The following PHACTR3 variants were observed in gnomAD, a reference collection of about 807,000 sequenced individuals.
PHACTR3 encodes phosphatase and actin regulator 3, also known as protein phosphatase 1, regulatory subunit 123.
Under a neutral mutation model 66.8 loss-of-function variants are expected in PHACTR3, and 16 were observed. That is an observed-to-expected ratio of 0.24 (90% CI 0.16 to 0.36). The LOEUF is 0.36. Ranked by LOEUF, PHACTR3 falls within the 10% of genes least tolerant of loss-of-function variation. The pLI, the probability that PHACTR3 is intolerant of heterozygous loss-of-function variation, is 1.00. For synonymous variants in PHACTR3, 323 were observed against 292.1 expected, an observed-to-expected ratio of 1.11 and a Z score of -1.08; for missense variants, 647 against 719.9, an observed-to-expected ratio of 0.90 and a Z score of 1.16.
chr20:59,779,531 C>CAGAA (rs1428451037), intron 7 of PHACTR3, among the ~76,000 whole-genome samples: 1 of 152,214 alleles, frequency 6.6e-6, no homozygotes, highest in Non-Finnish European at 1.5e-5. Context: ...GGGGTGAAAG[C>CAGAA]AGAAAGCACC....
At position 59,736,649 on chromosome 20, in the gene PHACTR3, C is replaced by T. The variant is rs555054989; in HGVS notation, c.119-6458C>T. Among the ~76,000 whole-genome samples the T allele has an allele frequency of 7.3e-4, 111 of 152,346 alleles. No homozygotes were observed. The highest frequency in any genetic ancestry group is 6.0e-3 in the South Asian group (29 of 4,826). Reference sequence around the variant, plus strand: ...CTGTGCACACCTGCCCACCAGCATCCGCAGGCCACACCGTGCCGTGGATGA... The same window carrying T: ...CTGTGCACACCTGCCCACCAGCATCTGCAGGCCACACCGTGCCGTGGATGA... On this transcript the variant is annotated intron_variant, in intron 1 of 12. Coordinates refer to ENST00000371015, the MANE Select transcript of PHACTR3 (RefSeq NM_080672.5). This position sits in a 1 kb window ranked among gnomAD's most constrained non-coding sequence, Gnocchi z 4.6.
At chr20:59,635,095 T>C (rs796262815) in intron 1 of PHACTR3, among the ~76,000 whole-genome samples, 23 of 131,304 alleles carry the variant, frequency 1.8e-4, no homozygotes, top group East Asian at 4.7e-4. Flanking sequence ...CTTTCTTTCT[T>C]TCTCTCTCTT....
At chr20:59,769,776 G>C (rs2040303626) in intron 5 of PHACTR3, among the ~76,000 whole-genome samples, 1 of 152,214 alleles carries the variant, frequency 6.6e-6, no homozygotes. Flanking sequence ...ATGCATGCGT[G>C]CTCTGAACCC....
intron 1 of PHACTR3, among the ~76,000 whole-genome samples, chr20:59,656,973 G>A (rs2035638433): frequency 6.6e-6 from 1 of 151,666 alleles, no homozygotes; most frequent in South Asian, 2.1e-4. Context: ...ACATCTATAT[G>A]CTACAAACTT....
chr20:59,619,464 C>T (rs1317067483), intron 1 of PHACTR3, among the ~76,000 whole-genome samples: 1 of 152,074 alleles, frequency 6.6e-6, no homozygotes, highest in Non-Finnish European at 1.5e-5. Flanking sequence ...CTGACTCTTG[C>T]TAACACCCTG....
rs2039427580 is a variant in PHACTR3, at chr20:59,747,770, A to G, written c.293A>G (p.Lys98Arg). ...GTGTGTTGGGCAGCGCTGGAGAAGA[A>G]GATGGCCGGCAGGCAAGGCCGAGAG... ...LKQTTSALEK[K>R]MAGRQGREEL... The change falls in exon 3 of 13, where the codon AAG (lysine) becomes AGG (arginine). Residue 98 changes from lysine to arginine, a missense_variant. Physicochemically the swap from Lys to Arg is conservative, Grantham distance 26. Around this residue, in one of 2 missense-constraint regions of PHACTR3, gnomAD observed 577 missense variants for 571.1 expected, o/e 1.01. Transcript: ENST00000371015. 1 of 1,613,916 alleles carries G rather than the reference A, an allele frequency of 6.2e-7. No individual in the cohort carries two copies. The highest frequency in any genetic ancestry group is 8.5e-7 in the Non-Finnish European group (1 of 1,179,972).
In PHACTR3 at chr20:59,754,850, G is replaced by A. The variant is rs187979605; in HGVS notation, c.359-332G>A. ...GACCAAAGCAAGCTCCAGGGCAGAG[G>A]CCGGGGTCAGAGTGGGGCTACTGCA... On this transcript the variant is annotated intron_variant, in intron 3 of 12. Coordinates refer to ENST00000371015, the MANE Select transcript of PHACTR3 (RefSeq NM_080672.5). Among the ~76,000 whole-genome samples the A allele has an allele frequency of 6.3e-4, 96 of 152,392 alleles. 1 individual carries two copies. Among genetic ancestry groups the A allele is most frequent in the Middle Eastern group, 3.4e-3 (1 of 294 alleles).
chr20:59,754,594 G>A (rs117364902), intron 3 of PHACTR3, among the ~76,000 whole-genome samples: 1 of 152,200 alleles, frequency 6.6e-6, no homozygotes, highest in Non-Finnish European at 1.5e-5. Flanking sequence ...TGGGTGCAGA[G>A]GTGAGTTGGT....
intron 2 of PHACTR3, among the ~76,000 whole-genome samples, chr20:59,743,487 C>A (rs1026837064): frequency 1.3e-5 from 2 of 152,220 alleles, no homozygotes; most frequent in African/African-American, 4.8e-5. Context: ...TGGCACCAGG[C>A]ACCCCATGTG....
intron 7 of PHACTR3, among the ~76,000 whole-genome samples, chr20:59,795,981 G>C (rs917979339): frequency 6.6e-6 from 1 of 151,984 alleles, no homozygotes; most frequent in Non-Finnish European, 1.5e-5. Flanking sequence ...GTATTGATGG[G>C]TAAATACTCC....
intron 2 of PHACTR3, among the ~76,000 whole-genome samples, chr20:59,744,143 C>A (rs2039277335): frequency 6.6e-6 from 1 of 152,222 alleles, no homozygotes; most frequent in African/African-American, 2.4e-5. Flanking sequence ...CCAACTCAAC[C>A]CTCAGAACCT....
chr20:59,733,074 T>C (rs2038826439), intron 1 of PHACTR3, among the ~76,000 whole-genome samples: 1 of 19,162 alleles, frequency 5.2e-5, no homozygotes, highest in African/African-American at 9.6e-5. Context: ...ATTCACTCCT[T>C]TTTTTTTTTT....
At chr20:59,809,465 TA>T (rs1488493352) in intron 8 of PHACTR3, among the ~76,000 whole-genome samples, 1 of 152,226 alleles carries the variant, frequency 6.6e-6, no homozygotes, top group African/African-American at 2.4e-5. Context: ...TTTCAGCGTT[TA>T]TCAGCTTTTT....
At chr20:59,622,722 T>C (rs1014763678) in intron 1 of PHACTR3, among the ~76,000 whole-genome samples, 1 of 151,950 alleles carries the variant, frequency 6.6e-6, no homozygotes, top group Non-Finnish European at 1.5e-5. Context: ...GGGTTAGAGA[T>C]GCCTCGGGAC....
chr20:59,667,377 G>A (rs1240433175), intron 1 of PHACTR3, among the ~76,000 whole-genome samples: 5 of 152,234 alleles, frequency 3.3e-5, no homozygotes, highest in South Asian at 2.1e-4. Flanking sequence ...ATTTGCTCCA[G>A]TGTACTCTGC....
At chr20:59,786,931 TA>T (rs2040936566) in intron 7 of PHACTR3, among the ~76,000 whole-genome samples, 1 of 52,462 alleles carries the variant, frequency 1.9e-5, no homozygotes, top group South Asian at 4.7e-4. Context: ...CACTAATCAC[TA>T]TTTTTTTTTC....
At chr20:59,584,750 T>G (rs1342375016) in intron 1 of PHACTR3, among the ~76,000 whole-genome samples, 2 of 152,166 alleles carry the variant, frequency 1.3e-5, no homozygotes, top group Non-Finnish European at 2.9e-5. Flanking sequence ...GGAAGGCTCC[T>G]GGCCTCCCGT....
At chr20:59,809,777 C>T (rs761095952) in intron 8 of PHACTR3, among the ~76,000 whole-genome samples, 4 of 152,098 alleles carry the variant, frequency 2.6e-5, no homozygotes, top group Admixed American at 6.5e-5. Context: ...TCAGTTCAGG[C>T]GCTGTAGTGA....
rs553104544 is a variant in PHACTR3 at position 59,822,677 on chromosome 20, A to C, written c.1329-13828A>C. ...TTAAATCAAGGACACTTTCAGATGGATTTGGTTTCTCTCTGACTCGGCTCG... is the reference window on the plus strand; with the variant it reads ...TTAAATCAAGGACACTTTCAGATGGCTTTGGTTTCTCTCTGACTCGGCTCG... On this transcript the variant is annotated intron_variant, in intron 8 of 12. Transcript: ENST00000371015. 1.3e-4 allele frequency among the ~76,000 whole-genome samples: 20 copies of C among 152,216 alleles called. 1 individual carries two copies. In the South Asian group the frequency reaches 4.1e-3, roughly 32 times the overall value.
Sources: gnomAD v4.1 joint callset for allele counts (sites outside exome capture counted in the v4.1 genomes callset) on GRCh38, gnomAD v4.1.1 for gene constraint, gnomAD v4.1.1 regional missense constraint, Gnocchi (gnomAD v3.1) non-coding constraint, MANE v1.5 for transcripts, NCBI Gene and HGNC (gene_info 2026-07-23, HGNC 2026-07-21) for gene names.